SV2C: variants seen among roughly 807,000 people sequenced by gnomAD.
SV2C encodes synaptic vesicle glycoprotein 2C, also known as solute carrier family 22 member B3.
In SV2C, 49 loss-of-function variants were observed where a neutral mutation model predicts 79.7. That is an observed-to-expected ratio of 0.61 (90% confidence interval 0.49 to 0.78). SV2C has a LOEUF of 0.78. SV2C is among the 30% of genes least tolerant of loss of function. The pLI is 0.00. For synonymous variants in SV2C, 334 were observed against 333.2 expected (o/e 1.00, Z -0.03); for missense variants, 833 against 912.9 (o/e 0.91, Z 1.13).
chr5:76,268,713 C>T (rs1428255928), intron 4 of SV2C, among the ~76,000 whole-genome samples: 1 of 152,200 alleles, frequency 6.6e-6, no homozygotes. Context: ...GAATGCTACA[C>T]TCTTACTAAA....
chr5:76,174,335 C>G (rs1234196757), intron 2 of SV2C, among the ~76,000 whole-genome samples: 1 of 152,264 alleles, frequency 6.6e-6, no homozygotes, highest in Non-Finnish European at 1.5e-5. Context: ...GGTTTACACG[C>G]CTGAATCTGG....
the SV2C span, among the ~76,000 whole-genome samples, chr5:75,943,917 G>A: frequency 1.3e-5 from 2 of 152,146 alleles, no homozygotes; most frequent in Non-Finnish European, 2.9e-5. Context: ...GGAGTTGGGA[G>A]AATTAATTTA....
the SV2C span, among the ~76,000 whole-genome samples, chr5:76,066,346 G>A: frequency 6.7e-6 from 1 of 149,996 alleles, no homozygotes; most frequent in South Asian, 2.1e-4. Flanking sequence ...ACTCTCACAA[G>A]AACAAAAAAC....
At chr5:75,943,883 C>T in the SV2C span, among the ~76,000 whole-genome samples, 12 of 152,218 alleles carry the variant, frequency 7.9e-5, no homozygotes, top group East Asian at 1.5e-3. Context: ...GGCAACAGAA[C>T]TTATTACTGC....
chr5:75,918,256 A>G, the SV2C span, among the ~76,000 whole-genome samples: 1 of 151,978 alleles, frequency 6.6e-6, no homozygotes, highest in Non-Finnish European at 1.5e-5. Context: ...TGATTGTTCC[A>G]GGCAACACTA....
chr5:76,093,496 T>G (rs1747446344), intron 1 of SV2C, among the ~76,000 whole-genome samples: 1 of 152,208 alleles, frequency 6.6e-6, no homozygotes. Context: ...GTGACCAAAT[T>G]CTAAGCCCCT....
At chr5:75,921,561 T>C in the SV2C span, 1 of 898,200 alleles carries the variant, frequency 1.1e-6, no homozygotes, top group East Asian at 2.5e-5. Flanking sequence ...TTGGGGTTTG[T>C]GTCATTGCGG....
the SV2C span, among the ~76,000 whole-genome samples, chr5:75,899,022 C>A: frequency 1.3e-5 from 2 of 152,136 alleles, no homozygotes; most frequent in African/African-American, 4.8e-5. Context: ...AAAACCAGCT[C>A]CTGGATTCAT....
downstream of SV2C, among the ~76,000 whole-genome samples, chr5:76,334,501 T>C (rs374193647): frequency 2.0e-5 from 3 of 152,234 alleles, no homozygotes; most frequent in East Asian, 3.8e-4. Context: ...CAAGGTTGGT[T>C]CTGATGTGGC....
the SV2C span, among the ~76,000 whole-genome samples, chr5:75,934,302 C>CTTTTTTTTTTTTT: frequency 9.5e-4 from 102 of 107,806 alleles, 3 homozygotes; most frequent in African/African-American, 3.7e-3. Flanking sequence ...TTCTTTCTTT[C>CTTTTTTTTTTTTT]TTTTTTTTTT....
the SV2C span, among the ~76,000 whole-genome samples, chr5:75,954,952 G>GA: frequency 6.7e-6 from 1 of 148,250 alleles, no homozygotes; most frequent in Non-Finnish European, 1.5e-5. Context: ...TCAATATCGT[G>GA]AAAATGGCCA....
chr5:75,972,686 G>T, the SV2C span, among the ~76,000 whole-genome samples: 1 of 152,068 alleles, frequency 6.6e-6, no homozygotes, highest in South Asian at 2.1e-4. Context: ...AACAGGTGCT[G>T]GAGAGAATGT....
chr5:75,908,262 A>C, the SV2C span, among the ~76,000 whole-genome samples: 2 of 152,216 alleles, frequency 1.3e-5, no homozygotes, highest in Non-Finnish European at 2.9e-5. Context: ...TGGACATATC[A>C]TACAGATGGA....
At chr5:75,890,691 T>A in the SV2C span, among the ~76,000 whole-genome samples, 2 of 152,072 alleles carry the variant, frequency 1.3e-5, no homozygotes, top group African/African-American at 2.4e-5. Flanking sequence ...GCTCCTGTGA[T>A]GTCTAATGAA....
At chr5:76,246,625 ACACT>A (rs976980161) in intron 4 of SV2C, among the ~76,000 whole-genome samples, 1 of 150,448 alleles carries the variant, frequency 6.6e-6, no homozygotes, top group Non-Finnish European at 1.5e-5. Context: ...AGCAACACAC[ACACT>A]CACACTCACA....
chr5:75,906,036 T>C, the SV2C span, among the ~76,000 whole-genome samples: 1 of 148,930 alleles, frequency 6.7e-6, no homozygotes, highest in African/African-American at 2.5e-5. Context: ...ATGATGAGAG[T>C]GGAGATGGAA....
chr5:76,297,017 G>A (rs1747794737), intron 9 of SV2C, among the ~76,000 whole-genome samples: 1 of 152,142 alleles, frequency 6.6e-6, no homozygotes, highest in Non-Finnish European at 1.5e-5. Flanking sequence ...ATATATGTTT[G>A]TGTCTCTGAC....
At chr5:75,881,739 G>A in the SV2C span, among the ~76,000 whole-genome samples, 2 of 151,826 alleles carry the variant, frequency 1.3e-5, no homozygotes, top group East Asian at 3.9e-4. Flanking sequence ...CATGTCATCT[G>A]CAAACACGGA....
chr5:76,080,467 A>G (rs981398634), upstream of SV2C, among the ~76,000 whole-genome samples: 12 of 152,194 alleles, frequency 7.9e-5, no homozygotes, highest in Admixed American at 2.0e-4. Context: ...TCCAAAGCGC[A>G]GGCTTTGGAA....
Sources: allele counts gnomAD v4.1 joint callset (sites outside exome capture counted in the v4.1 genomes callset), GRCh38; gene constraint gnomAD v4.1.1; transcripts MANE v1.5; gene names NCBI Gene and HGNC (gene_info 2026-07-23, HGNC 2026-07-21).